RBFOX1: variants seen among roughly 807,000 people sequenced by gnomAD.
RBFOX1 encodes RNA binding fox-1 homolog 1.
A neutral mutation model predicts 57.7 loss-of-function variants in RBFOX1; 8 were observed. That is an observed-to-expected ratio of 0.14 (90% CI 0.08 to 0.25). The LOEUF (loss-of-function observed/expected upper bound fraction) is 0.25. RBFOX1 is among the 10% of genes least tolerant of loss of function. The pLI, the probability that RBFOX1 is intolerant of heterozygous loss-of-function variation, is 1.00. For missense variants in RBFOX1, 611 were observed against 548.5 expected, an observed-to-expected ratio of 1.11 and a Z score of -1.14; for synonymous variants, 326 against 222.4, an observed-to-expected ratio of 1.47 and a Z score of -4.15.
At chr16:7,661,219 A>G (rs1031057742) in intron 12 of RBFOX1, among the ~76,000 whole-genome samples, 4 of 152,178 alleles carry the variant, frequency 2.6e-5, no homozygotes, top group African/African-American at 9.7e-5. Flanking sequence ...CTAAAGATAG[A>G]TCACTCGTCC....
Position 5,252,137 on chromosome 16 carries a change from C to T in RBFOX1, c.219+12032C>T, listed in dbSNP as rs962031676. Reference sequence around the variant, plus strand: ...ACCCTCTGTTTACTCTGAGCCCAGACAGAGGACAGGGAAGTGTGGAAGGGT... The same window carrying T: ...ACCCTCTGTTTACTCTGAGCCCAGATAGAGGACAGGGAAGTGTGGAAGGGT... On this transcript the variant is annotated intron_variant, in intron 1 of 2. Coordinates refer to the RBFOX1 transcript ENST00000585867. 2.0e-5 allele frequency among the ~76,000 whole-genome samples: 3 copies of T among 152,176 alleles called. No individual in the cohort carries two copies. The East Asian group carries it at 5.8e-4, about 29-fold the overall frequency.
At chr16:5,533,517 G>A (rs566591751) in intron 2 of RBFOX1, among the ~76,000 whole-genome samples, 3 of 152,262 alleles carry the variant, frequency 2.0e-5, no homozygotes, top group Non-Finnish European at 2.9e-5. Context: ...TTACAGAGAT[G>A]CAAGGAACAT....
intron 4 of RBFOX1, among the ~76,000 whole-genome samples, chr16:7,145,168 T>C (rs1014489675): frequency 8.5e-5 from 13 of 152,150 alleles, no homozygotes; most frequent in African/African-American, 3.1e-4. Flanking sequence ...CCCAATCATT[T>C]CTTTACCCCC....
Position 6,386,092 on chromosome 16 carries a change from C to T in RBFOX1, c.-64+69035C>T, listed in dbSNP as rs542337212. 7.9e-5 allele frequency among the ~76,000 whole-genome samples: 12 copies of T among 152,244 alleles called. No individual in the cohort carries two copies. The East Asian group carries it at 1.5e-3, about 20-fold the overall frequency. On this transcript the variant is annotated intron_variant, in intron 2 of 15. Transcript: ENST00000550418. ...GTGGGACTACAGGCGCCCGCCACCG[C>T]GCCCGGCTAACTTTTTGTATTTTTA...
At chr16:6,237,105 A>G (rs905742036) in intron 1 of RBFOX1, among the ~76,000 whole-genome samples, 2 of 152,220 alleles carry the variant, frequency 1.3e-5, no homozygotes, top group African/African-American at 4.8e-5. Flanking sequence ...GTTCTGCCTG[A>G]GCCAAAATCA....
chr16:7,101,137 C>T (rs142127445), intron 4 of RBFOX1, among the ~76,000 whole-genome samples: 1 of 152,112 alleles, frequency 6.6e-6, no homozygotes, highest in South Asian at 2.1e-4. Context: ...ACGATGCCTG[C>T]CGTTGGTTGC....
At chr16:5,335,453 C>G (rs1002942834) in intron 1 of RBFOX1, among the ~76,000 whole-genome samples, 4 of 152,128 alleles carry the variant, frequency 2.6e-5, no homozygotes, top group African/African-American at 9.7e-5. Flanking sequence ...TTTGCTGTCT[C>G]CTTCCTCTTC....
In RBFOX1 at chr16:6,427,779, A is replaced by G. The variant is rs1327786747; in HGVS notation, c.-64+110722A>G. On this transcript the variant is annotated intron_variant, in intron 2 of 15. Coordinates refer to ENST00000550418, the MANE Select transcript of RBFOX1 (RefSeq NM_018723.4). ...TGTGATACAATGGTAGGATGATACTATAAAGAGATAGTGATTTCAGAGTAT... is the reference window on the plus strand; with the variant it reads ...TGTGATACAATGGTAGGATGATACTGTAAAGAGATAGTGATTTCAGAGTAT... Among the ~76,000 whole-genome samples, 6 of 152,312 alleles carry G rather than the reference A, an allele frequency of 3.9e-5. No individual in the cohort carries two copies. The South Asian group carries it at 8.3e-4, about 21-fold the overall frequency.
chr16:6,268,026 A>G (rs979493972), intron 1 of RBFOX1, among the ~76,000 whole-genome samples: 2 of 152,198 alleles, frequency 1.3e-5, no homozygotes, highest in Non-Finnish European at 2.9e-5. Flanking sequence ...TCTCATAAAG[A>G]GCCTATTAAT....
At chr16:7,494,291 C>G (rs1367005504) in intron 4 of RBFOX1, among the ~76,000 whole-genome samples, 1 of 152,060 alleles carries the variant, frequency 6.6e-6, no homozygotes, top group Non-Finnish European at 1.5e-5. Context: ...AACCAAAGCT[C>G]AATTCAGTAT....
chr16:6,977,441 T>A (rs76255358), intron 3 of RBFOX1, among the ~76,000 whole-genome samples: 6,814 of 152,150 alleles, frequency 0.045, 203 homozygotes, highest in South Asian at 0.13. Flanking sequence ...CCCTTAACCA[T>A]ACACATCTAG....
At chr16:6,532,084 A>C (rs762325214) in intron 2 of RBFOX1, among the ~76,000 whole-genome samples, 7 of 152,136 alleles carry the variant, frequency 4.6e-5, no homozygotes, top group Non-Finnish European at 8.8e-5. Context: ...CCAGTTCTGG[A>C]TCCCAGAAGA....
chr16:5,423,379 T>A (rs1438848265), intron 1 of RBFOX1, among the ~76,000 whole-genome samples: 2 of 152,130 alleles, frequency 1.3e-5, no homozygotes, highest in African/African-American at 2.4e-5. Context: ...ATGTATAGAT[T>A]TATGTAACAA....
At chr16:6,156,862 C>T (rs1054367411) in intron 1 of RBFOX1, among the ~76,000 whole-genome samples, 2 of 152,118 alleles carry the variant, frequency 1.3e-5, no homozygotes, top group Non-Finnish European at 2.9e-5. Flanking sequence ...TTTTAAGAGA[C>T]AGGGTCTTCT....
chr16:7,459,631 T>A (rs918523061), intron 4 of RBFOX1, among the ~76,000 whole-genome samples: 8 of 152,216 alleles, frequency 5.3e-5, no homozygotes, highest in African/African-American at 1.4e-4. Context: ...TAGTTTAAAA[T>A]ATTCTACTAT....
At chr16:7,685,721 G>C (rs770856101) in intron 14 of RBFOX1, among the ~76,000 whole-genome samples, 2 of 152,056 alleles carry the variant, frequency 1.3e-5, no homozygotes, top group Non-Finnish European at 2.9e-5. Flanking sequence ...AAAAATGTAA[G>C]GTTATTTTTA....
At chr16:7,171,756 C>T (rs184887108) in intron 4 of RBFOX1, among the ~76,000 whole-genome samples, 1 of 152,214 alleles carries the variant, frequency 6.6e-6, no homozygotes, top group Non-Finnish European at 1.5e-5. Flanking sequence ...CATTATCAAT[C>T]TGTCTCCATA....
At chr16:7,617,423 C>T (rs907947589) in intron 10 of RBFOX1, among the ~76,000 whole-genome samples, 3 of 152,016 alleles carry the variant, frequency 2.0e-5, no homozygotes, top group Non-Finnish European at 2.9e-5. Context: ...GTTTATGGCC[C>T]GTACAAAAAC....
chr16:7,014,297 T>TGA (rs1455230646), intron 3 of RBFOX1, among the ~76,000 whole-genome samples: 19 of 151,850 alleles, frequency 1.3e-4, no homozygotes, highest in African/African-American at 4.6e-4. Flanking sequence ...ACTACAATGT[T>TGA]AGCCTCCTGG....
Sources: allele counts gnomAD v4.1 joint callset (sites outside exome capture counted in the v4.1 genomes callset), GRCh38; gene constraint gnomAD v4.1.1; transcripts MANE v1.5; gene names NCBI Gene and HGNC (gene_info 2026-07-23, HGNC 2026-07-21).